INPP5B: variants seen among roughly 807,000 people sequenced by gnomAD.
INPP5B encodes the protein type II inositol 1,4,5-trisphosphate 5-phosphatase.
In INPP5B, 90 loss-of-function variants were observed where a neutral mutation model predicts 118.5. The ratio of observed to expected loss-of-function variants is 0.76; its 90% CI spans 0.64 to 0.90. The LOEUF (loss-of-function observed/expected upper bound fraction) is 0.90, where lower values mean the gene tolerates loss of function less well. INPP5B is among the 40% of genes least tolerant of loss of function. INPP5B has a pLI of 0.00. For missense variants in INPP5B, 984 were observed against 1,125.6 expected, an observed-to-expected ratio of 0.87 and a Z score of 1.80; for synonymous variants, 385 against 418.9, an observed-to-expected ratio of 0.92 and a Z score of 0.99.
At position 37,887,469 on chromosome 1, in the gene INPP5B, T is replaced by C. The variant is rs1321855770; in HGVS notation, c.900-4A>G. The C allele has an allele frequency of 6.4e-7, 1 of 1,550,820 alleles. No homozygotes were observed. Among genetic ancestry groups the C allele is most frequent in the Non-Finnish European group, 8.9e-7 (1 of 1,127,190 alleles). ...ACTCAGATCAAGCTCCTGGAACCTA[T>C]TTTGAGAAGCAACCAGTTAGATAGT... On this transcript the variant is annotated splice_polypyrimidine_tract_variant and splice_region_variant and intron_variant, in intron 10 of 23. Coordinates refer to ENST00000373024, the MANE Select transcript of INPP5B (RefSeq NM_005540.3).
At chr1:37,870,455 T>C (rs1049593051) in intron 19 of INPP5B, among the ~76,000 whole-genome samples, 6 of 152,202 alleles carry the variant, frequency 3.9e-5, no homozygotes, top group Non-Finnish European at 5.9e-5. Flanking sequence ...TGAATGTGTA[T>C]GTCCCCCTCA....
intron 7 of INPP5B, among the ~76,000 whole-genome samples, chr1:37,922,130 A>G (rs1048484110): frequency 6.6e-6 from 1 of 152,188 alleles, no homozygotes. Flanking sequence ...TGAACATGGG[A>G]GGTGAAGGTT....
chr1:37,932,263 A>G (rs758551338), intron 6 of INPP5B, among the ~76,000 whole-genome samples: 1 of 151,692 alleles, frequency 6.6e-6, no homozygotes, highest in Non-Finnish European at 1.5e-5. Context: ...CACGGTAACT[A>G]TGTGCCAAGG....
chr1:37,871,677 C>T (rs1193746242), intron 19 of INPP5B, among the ~76,000 whole-genome samples: 1 of 151,396 alleles, frequency 6.6e-6, no homozygotes, highest in Non-Finnish European at 1.5e-5. Flanking sequence ...CTGAGGTGGG[C>T]GGATCACCTG....
In INPP5B at chr1:37,922,437, C is replaced by T. The variant is rs1309246798; in HGVS notation, c.532+9476G>A. ...GTTTCAAAAAATGAAATAAGCCAGGCGCGGTGGCTCACACCTGTAATCCCA... is the reference window on the plus strand; with the variant it reads ...GTTTCAAAAAATGAAATAAGCCAGGTGCGGTGGCTCACACCTGTAATCCCA... On this transcript the variant is annotated intron_variant, in intron 7 of 23. Transcript: ENST00000373024. Among the ~76,000 whole-genome samples, 8 of 151,618 alleles carry T rather than the reference C, an allele frequency of 5.3e-5. No individual in the cohort carries two copies. In the South Asian group the frequency reaches 8.3e-4, roughly 16 times the overall value.
chr1:37,874,761 A>T (rs572808654), intron 17 of INPP5B, among the ~76,000 whole-genome samples: 1 of 152,284 alleles, frequency 6.6e-6, no homozygotes, highest in East Asian at 1.9e-4. Flanking sequence ...GTGCCATTGC[A>T]CTCCAGCCTG....
At chr1:37,901,080 G>T (rs1377722557) in intron 7 of INPP5B, among the ~76,000 whole-genome samples, 1 of 152,202 alleles carries the variant, frequency 6.6e-6, no homozygotes, top group Non-Finnish European at 1.5e-5. Flanking sequence ...AAAGTGCCGG[G>T]ATTACAGGCA....
At chr1:37,938,834 A>T (rs921035271) in intron 6 of INPP5B, among the ~76,000 whole-genome samples, 8 of 152,318 alleles carry the variant, frequency 5.3e-5, no homozygotes, top group Middle Eastern at 3.4e-3. Context: ...AGGTGGGTGG[A>T]TCACCTTAGG....
In INPP5B at chr1:37,898,296, G is replaced by A. The variant is rs1470998786; in HGVS notation, c.533-6842C>T. Among the ~76,000 whole-genome samples, 3 of 152,222 alleles carry A rather than the reference G, an allele frequency of 2.0e-5. No homozygotes were observed. In the South Asian group the frequency reaches 6.2e-4, roughly 32 times the overall value. ...GTGAGGGTGGGGTCAAATAAATGAAGAACAGGGGACTTTTTAGGACAGCAA... is the reference window on the plus strand; with the variant it reads ...GTGAGGGTGGGGTCAAATAAATGAAAAACAGGGGACTTTTTAGGACAGCAA... On this transcript the variant is annotated intron_variant, in intron 7 of 23. Coordinates refer to ENST00000373024, the MANE Select transcript of INPP5B (RefSeq NM_005540.3).
chr1:37,880,157 C>G lies in INPP5B; in HGVS notation c.1469G>C (p.Gly490Ala), dbSNP rs749203715. ...IQVAAKTVFE[G>A]FTEGELTFQP... Reference sequence around the variant, plus strand: ...GAATGTGAGCTCACCCTCTGTGAAGCCTTCAAAGACAGTCTTTGCGGCCAC... The same window carrying G: ...GAATGTGAGCTCACCCTCTGTGAAGGCTTCAAAGACAGTCTTTGCGGCCAC... The change falls in exon 15 of 24, where the codon GGC becomes GCC. Residue 490 changes from glycine (G) to alanine (A), a missense_variant. Coordinates refer to ENST00000373024, the MANE Select transcript of INPP5B (RefSeq NM_005540.3). 39 of 1,609,944 alleles carry G rather than the reference C, an allele frequency of 2.4e-5. No homozygotes were observed. Among genetic ancestry groups the G allele is most frequent in the Admixed American group, 6.7e-5 (4 of 59,886 alleles).
chr1:37,875,494 T>G (rs1410866603), intron 17 of INPP5B, 112 bp downstream of exon 17: 1 of 712,370 alleles, frequency 1.4e-6, no homozygotes. Flanking sequence ...GGTCTTGATC[T>G]CCTGACCTCA....
chr1:37,943,408 C>G (rs567813243), intron 5 of INPP5B, among the ~76,000 whole-genome samples: 3 of 151,896 alleles, frequency 2.0e-5, no homozygotes, highest in Non-Finnish European at 4.4e-5. Context: ...GAGAGGACAG[C>G]GTGTGCAGGG....
In INPP5B at chr1:37,873,834, C is replaced by T. The variant is rs886897895; in HGVS notation, c.1951+159G>A. On this transcript the variant is annotated intron_variant, in intron 18 of 23. Coordinates refer to ENST00000373024, the MANE Select transcript of INPP5B (RefSeq NM_005540.3). ...CTGAACTCATGCTCCTCACTATTTT[C>T]TATTTTATTCATGAATGGGTTCATC... is the stretch of plus-strand genomic sequence containing the variant. 3.3e-5 allele frequency among the ~76,000 whole-genome samples: 5 copies of T among 152,310 alleles called. No homozygotes were observed. In the East Asian group the frequency reaches 9.6e-4, roughly 29 times the overall value.
At chr1:37,863,092 G>A (rs1000317556) in intron 23 of INPP5B, among the ~76,000 whole-genome samples, 3 of 152,154 alleles carry the variant, frequency 2.0e-5, no homozygotes, top group Admixed American at 6.5e-5. Context: ...AGGCACGGGC[G>A]TTGGAGGGTG....
intron 7 of INPP5B, among the ~76,000 whole-genome samples, chr1:37,905,581 G>A (rs1221862112): frequency 6.6e-6 from 1 of 152,110 alleles, no homozygotes; most frequent in Non-Finnish European, 1.5e-5. Context: ...TTTTGACTGT[G>A]GCTGCCTTAA....
chr1:37,870,256 C>T (rs1196766309), intron 19 of INPP5B, among the ~76,000 whole-genome samples: 1 of 151,976 alleles, frequency 6.6e-6, no homozygotes, highest in Admixed American at 6.6e-5. Context: ...ACTACAAATG[C>T]ACACCCCCAT....
Position 37,891,973 on chromosome 1 carries a change from C to T in INPP5B, c.533-519G>A, listed in dbSNP as rs74988636. The stretch of plus-strand genomic sequence containing the variant: ...AAAGTATCTCATCCAGGTATCTTTA[C>T]TGCTGAAAGTGTAACTATTCCAGCT... On this transcript the variant is annotated intron_variant, in intron 7 of 23. Transcript: ENST00000373024. Among the ~76,000 whole-genome samples the T allele has an allele frequency of 2.2e-4, 34 of 152,332 alleles. 1 individual carries two copies. The highest frequency in any genetic ancestry group is 5.9e-4 in the Admixed American group (9 of 15,300).
intron 7 of INPP5B, among the ~76,000 whole-genome samples, chr1:37,892,222 T>C (rs1371723767): frequency 1.3e-5 from 2 of 152,122 alleles, no homozygotes; most frequent in Non-Finnish European, 2.9e-5. Flanking sequence ...TTAAAAGCAA[T>C]ACAACATATT....
intron 14 of INPP5B, among the ~76,000 whole-genome samples, chr1:37,880,775 G>A (rs1643151762): frequency 1.3e-5 from 2 of 152,186 alleles, no homozygotes; most frequent in South Asian, 4.1e-4. Flanking sequence ...ACCCAGGCTG[G>A]AGTGCCATTG....
Sources: allele counts gnomAD v4.1 joint callset (sites outside exome capture counted in the v4.1 genomes callset), GRCh38; gene constraint gnomAD v4.1.1; transcripts MANE v1.5; gene names NCBI Gene and HGNC (gene_info 2026-07-23, HGNC 2026-07-21).